Variants in SPRED2 observed in about 807,000 individuals in gnomAD.
SPRED2 encodes the protein sprouty related EVH1 domain containing 2, also known as sprouty-related, EVH1 domain-containing protein 2.
Under a neutral mutation model 43.0 loss-of-function variants are expected in SPRED2, and 47 were observed. That is an observed-to-expected ratio of 1.09 (90% CI 0.87 to 1.40). The LOEUF (loss-of-function observed/expected upper bound fraction) is 1.40, where lower values mean the gene tolerates loss of function less well. Among genes scored for constraint, SPRED2 ranks in the 40% most tolerant of loss-of-function variants. SPRED2 has a pLI of 0.00. For missense variants in SPRED2, 561 were observed against 586.4 expected, an observed-to-expected ratio of 0.96 and a Z score of 0.45; for synonymous variants, 225 against 225.7, an observed-to-expected ratio of 1.00 and a Z score of 0.03.
chr2:65,424,359 G>A (rs1676507956), intron 1 of SPRED2, among the ~76,000 whole-genome samples: 1 of 152,034 alleles, frequency 6.6e-6, no homozygotes. Flanking sequence ...TTTATACACG[G>A]TACAATTATT....
In SPRED2 at chr2:65,322,294, A is replaced by ATATT. The variant is rs1350932295; in HGVS notation, c.439-5412_439-5411insAATA. Among the ~76,000 whole-genome samples, 66 of 64,896 alleles carry ATATT rather than the reference A, an allele frequency of 1.0e-3. 2 individuals are homozygous for ATATT. Among genetic ancestry groups the ATATT allele is most frequent in the African/African-American group, 1.5e-3 (21 of 14,028 alleles). 42.6% of individuals were successfully genotyped at this position (64,896 alleles called of 152,430 possible). A position where few individuals can be genotyped will look rare whatever the true frequency, so the allele number is the denominator to read the frequency against. On this transcript the variant is annotated intron_variant, in intron 4 of 5. Coordinates refer to ENST00000356388, the MANE Select transcript of SPRED2 (RefSeq NM_181784.3). ...TCTATATATATATATATATATATAT[A>ATATT]TTTTTTTTTTTTTTTTTGAGACGGA...
At chr2:65,379,202 C>G (rs1314390049) in intron 1 of SPRED2, among the ~76,000 whole-genome samples, 2 of 152,192 alleles carry the variant, frequency 1.3e-5, no homozygotes, top group African/African-American at 4.8e-5. Flanking sequence ...GCAGTGGATA[C>G]ACCAAGTGTT....
chr2:65,359,295 A>C (rs1423131579), intron 1 of SPRED2, among the ~76,000 whole-genome samples: 5 of 152,248 alleles, frequency 3.3e-5, no homozygotes, highest in Non-Finnish European at 7.3e-5. Flanking sequence ...CTGACATAAA[A>C]GAACTAGGCA....
intron 2 of SPRED2, 152 bp downstream of exon 2, chr2:65,344,567 A>C (rs1674285003): frequency 1.0e-6 from 1 of 1,004,998 alleles, no homozygotes; most frequent in Non-Finnish European, 1.5e-6. Context: ...ACAATTTGGC[A>C]CCAGCTCCGG....
intron 1 of SPRED2, among the ~76,000 whole-genome samples, chr2:65,361,631 A>G (rs2104315601): frequency 6.6e-6 from 1 of 152,362 alleles, no homozygotes; most frequent in South Asian, 2.1e-4. Flanking sequence ...CATAATCACA[A>G]GAATTTCCTG....
chr2:65,333,153 C>T (rs1022613847), intron 3 of SPRED2, among the ~76,000 whole-genome samples: 2 of 151,030 alleles, frequency 1.3e-5, no homozygotes, highest in African/African-American at 2.4e-5. Context: ...GTAATCCTAG[C>T]TACTGGGGAG....
intron 2 of SPRED2, among the ~76,000 whole-genome samples, chr2:65,339,017 G>A (rs13014929): frequency 1.7e-5 from 2 of 120,614 alleles, no homozygotes; most frequent in Non-Finnish European, 3.6e-5. Context: ...AGCCCCTCTG[G>A]CCGGCCAGCC....
At chr2:65,327,111 C>T (rs753622292) in intron 4 of SPRED2, among the ~76,000 whole-genome samples, 4 of 152,174 alleles carry the variant, frequency 2.6e-5, no homozygotes, top group Non-Finnish European at 5.9e-5. Flanking sequence ...CTCACTTGGC[C>T]TCCCGAAGTG....
At chr2:65,418,890 GAAT>G (rs753722855) in intron 1 of SPRED2, among the ~76,000 whole-genome samples, 1 of 151,998 alleles carries the variant, frequency 6.6e-6, no homozygotes, top group Non-Finnish European at 1.5e-5. Flanking sequence ...TTTAAAACAA[GAAT>G]ATTATGCTTA....
intron 4 of SPRED2, among the ~76,000 whole-genome samples, chr2:65,328,185 A>T (rs756641798): frequency 5.3e-5 from 8 of 152,132 alleles, no homozygotes; most frequent in Non-Finnish European, 1.2e-4. Flanking sequence ...TGATCAACTG[A>T]TCTTCTAAAA....
intron 5 of SPRED2, among the ~76,000 whole-genome samples, chr2:65,314,511 G>A (rs1673179931): frequency 6.6e-6 from 1 of 152,154 alleles, no homozygotes; most frequent in African/African-American, 2.4e-5. Context: ...CAGGAGCATG[G>A]CACACTCAGA....
chr2:65,341,196 C>T (rs1017827777), intron 2 of SPRED2, among the ~76,000 whole-genome samples: 2 of 151,574 alleles, frequency 1.3e-5, no homozygotes, highest in Non-Finnish European at 2.9e-5. Flanking sequence ...TACAGAAATC[C>T]AGAATTTCCT....
intron 1 of SPRED2, among the ~76,000 whole-genome samples, chr2:65,389,227 C>T (rs1226689466): frequency 1.4e-5 from 2 of 145,160 alleles, no homozygotes; most frequent in Non-Finnish European, 3.0e-5. Context: ...GACAGCAATA[C>T]AAAGACATGC....
At chr2:65,314,362 C>T (rs548957898) in intron 5 of SPRED2, among the ~76,000 whole-genome samples, 193 bp from the exon 6 acceptor site, 2 of 152,334 alleles carry the variant, frequency 1.3e-5, no homozygotes, top group African/African-American at 4.8e-5. Context: ...AGATGTATTT[C>T]AAATAGAGTC....
intron 1 of SPRED2, among the ~76,000 whole-genome samples, chr2:65,352,033 T>C (rs888392551): frequency 2.0e-5 from 3 of 152,250 alleles, no homozygotes; most frequent in African/African-American, 7.2e-5. Flanking sequence ...CACGCTATAA[T>C]GTCCCAGAAA....
chr2:65,364,363 C>T (rs1674908216), intron 1 of SPRED2, among the ~76,000 whole-genome samples: 2 of 152,258 alleles, frequency 1.3e-5, no homozygotes, highest in Non-Finnish European at 2.9e-5. Flanking sequence ...CAGCGTCTCA[C>T]TCAATATCTA....
chr2:65,349,625 G>A (rs74932785), intron 1 of SPRED2, among the ~76,000 whole-genome samples: 1 of 152,180 alleles, frequency 6.6e-6, no homozygotes, highest in East Asian at 1.9e-4. Context: ...TTTCTTTGAG[G>A]GGATTAAGTA....
At chr2:65,410,370 C>T (rs374208194) in intron 1 of SPRED2, among the ~76,000 whole-genome samples, 2 of 152,154 alleles carry the variant, frequency 1.3e-5, no homozygotes, top group African/African-American at 2.4e-5. Context: ...TCTTTAGCAT[C>T]GTTCATGGCA....
chr2:65,376,636 TC>T (rs1229557989), intron 1 of SPRED2, among the ~76,000 whole-genome samples: 1 of 152,156 alleles, frequency 6.6e-6, no homozygotes, highest in Non-Finnish European at 1.5e-5. Context: ...ATGTATTCTC[TC>T]CCAAACTCAT....
Sources: gnomAD v4.1 joint callset for allele counts (sites outside exome capture counted in the v4.1 genomes callset) on GRCh38, gnomAD v4.1.1 for gene constraint, MANE v1.5 for transcripts, NCBI Gene and HGNC (gene_info 2026-07-23, HGNC 2026-07-21) for gene names.